The following BRWD3 variants were observed in gnomAD, a reference collection of about 807,000 sequenced individuals.
The protein encoded by BRWD3 is bromodomain and WD repeat domain containing 3.
A neutral mutation model predicts 149.7 loss-of-function variants in BRWD3; 10 were observed. The ratio of observed to expected loss-of-function variants is 0.07; its 90% confidence interval spans 0.04 to 0.11. BRWD3 has a LOEUF of 0.11. Among genes scored for constraint, BRWD3 ranks in the 10% least tolerant of loss-of-function variants. The probability of loss-of-function intolerance (pLI) is 1.00; values close to 1 mark genes in which losing one functional copy is unlikely to be tolerated. For synonymous variants in BRWD3, 504 were observed against 456.7 expected (o/e 1.10, Z -1.32); for missense variants, 940 against 1,373.2 (o/e 0.68, Z 4.99).
intron 6 of BRWD3, among the ~76,000 whole-genome samples, chrX:80,788,766 A>G (rs950941636): frequency 8.9e-6 from 1 of 112,174 alleles, no homozygotes; most frequent in Non-Finnish European, 1.9e-5. Context: ...TTGGTAATAA[A>G]AAGAAATGAA....
chrX:80,695,272 T>A (rs1362221587), intron 27 of BRWD3, among the ~76,000 whole-genome samples: 1 of 111,887 alleles, frequency 8.9e-6, no homozygotes, highest in African/African-American at 3.2e-5. Context: ...CTTTATAAAT[T>A]ACCCAGTCTC....
intron 7 of BRWD3, 115 bp downstream of exon 7, chrX:80,745,454 C>T: frequency 1.6e-6 from 1 of 620,033 alleles, no homozygotes; most frequent in Non-Finnish European, 2.4e-6. Context: ...TCTTTTTCTG[C>T]ACCCATATAT....
At chrX:80,771,381 T>C (rs1008470928) in intron 6 of BRWD3, among the ~76,000 whole-genome samples, 2 of 111,559 alleles carry the variant, frequency 1.8e-5, no homozygotes, top group African/African-American at 6.5e-5. Context: ...CAGAACAGCA[T>C]AGTACTGGTA....
At position 80,670,907 on chromosome X, in the gene BRWD3, A is replaced by G. The variant is rs2072318257; in HGVS notation, c.*5702T>C. The G allele has an allele frequency of 9.0e-6, 1 of 111,280 alleles. No homozygotes were observed. Among genetic ancestry groups the G allele is most frequent in the African/African-American group, 3.3e-5 (1 of 30,593 alleles). 9.2% of individuals were successfully genotyped at this position (111,280 alleles called of 1,213,427 possible). A position where few individuals can be genotyped will look rare whatever the true frequency, so the allele number is the denominator to read the frequency against. On this transcript the variant is annotated 3_prime_UTR_variant, in exon 41 of 41. Transcript: ENST00000373275. ...TAAATACACAAAATACACAGTATAT[A>G]TATATCAAAGATACAGTCCAGTCTT...
At position 80,671,254 on chromosome X, in the gene BRWD3, C is replaced by T. The variant is rs2072320968; in HGVS notation, c.*5355G>A. The T allele has an allele frequency of 8.9e-6, 1 of 111,908 alleles. No individual in the cohort carries two copies. Among genetic ancestry groups the T allele is most frequent in the African/African-American group, 3.2e-5 (1 of 30,813 alleles). The allele number at this position is 111,908 out of a possible 1,213,427, so 9.2% of individuals were successfully genotyped here. ...GGCTGTTATTGAATGCACCAAGCAG[C>T]CCACATTTAAAGTGTAAACATCATA... On this transcript the variant is annotated 3_prime_UTR_variant, in exon 41 of 41. Coordinates refer to ENST00000373275, the MANE Select transcript of BRWD3 (RefSeq NM_153252.5).
chrX:80,682,777 A>T (rs932538306), intron 37 of BRWD3, 149 bp from the exon 38 acceptor site: 1 of 531,692 alleles, frequency 1.9e-6, no homozygotes, highest in African/African-American at 2.4e-5. Flanking sequence ...GTAAGATACC[A>T]TTTTCACCTA....
rs759396994 is a variant in BRWD3 at position 80,692,941 on chromosome X, G to C, written c.3262C>G (p.His1088Asp). ...ATAAAAGATCATAAACATACTTACT[G>C]AACACTGTAACACTGGAAAGAACTA... Reference protein sequence around the residue: ...PDSSFQCYSVHWDNNEREKMS... With the variant: ...PDSSFQCYSVDWDNNEREKMS... The change falls in exon 28 of 41, where the codon CAC becomes GAC. Residue 1088 changes from histidine to aspartate, a missense_variant and splice_region_variant. Transcript: ENST00000373275. 2 of 1,197,971 alleles carry C rather than the reference G, an allele frequency of 1.7e-6. No individual in the cohort carries two copies. Among genetic ancestry groups the C allele is most frequent in the Non-Finnish European group, 1.1e-6 (1 of 882,947 alleles).
At chrX:80,696,594 G>T in intron 26 of BRWD3, 145 bp downstream of exon 26, 2 of 579,579 alleles carry the variant, frequency 3.5e-6, no homozygotes, top group East Asian at 7.9e-5. Context: ...AATAAACTAG[G>T]AATTAAACTC....
chrX:80,725,114 G>C (rs776074744), intron 14 of BRWD3, 47 bp from the exon 15 acceptor site: 85 of 1,165,645 alleles, frequency 7.3e-5, no homozygotes, highest in East Asian at 3.0e-5. Context: ...CGAAATGTTT[G>C]GTTCATTTGG....
At chrX:80,799,035 C>G (rs2074267734) in intron 4 of BRWD3, among the ~76,000 whole-genome samples, 2 of 111,882 alleles carry the variant, frequency 1.8e-5, no homozygotes. Flanking sequence ...TGATAGCAAT[C>G]ATTAACACAA....
chrX:80,684,276 A>G, intron 36 of BRWD3, 114 bp from the exon 37 acceptor site: 1 of 666,484 alleles, frequency 1.5e-6, no homozygotes, highest in Non-Finnish European at 2.3e-6. Context: ...TTGCTTTTCA[A>G]TGTGCCAACT....
intron 23 of BRWD3, among the ~76,000 whole-genome samples, chrX:80,704,193 G>A (rs1219652369): frequency 2.7e-5 from 3 of 110,077 alleles, no homozygotes; most frequent in African/African-American, 9.9e-5. Flanking sequence ...TCATGCCTGT[G>A]AATAGCCACT....
rs1051151225 is a variant in BRWD3, at chrX:80,704,709, C to T, written c.2690G>A (p.Arg897Lys). ...TCTAGTCTGCTTAGGTTTCTTCTGC[C>T]TTTCTTCTAGGGACTTCAAATTTTC... ...DEENLKSLEE[R>K]QKKPKQTRKK... is the part of the protein sequence containing the mutation. The change falls in exon 23 of 41, where the codon AGG becomes AAG. Residue 897 changes from arginine to lysine, a missense_variant. Arg to Lys is a conservative substitution (Grantham distance 26, BLOSUM62 2). This residue lies in a region of BRWD3 where 158 missense variants were observed against 284.0 expected (regional missense o/e 0.56). Coordinates refer to ENST00000373275, the MANE Select transcript of BRWD3 (RefSeq NM_153252.5). 1 of 1,209,650 alleles carries T rather than the reference C, an allele frequency of 8.3e-7. No individual in the cohort carries two copies. Among genetic ancestry groups the T allele is most frequent in the African/African-American group, 1.7e-5 (1 of 57,235 alleles).
At chrX:80,681,290 C>T in intron 40 of BRWD3, 51 bp downstream of exon 40, 1 of 1,140,382 alleles carries the variant, frequency 8.8e-7, no homozygotes. Flanking sequence ...GATTTATCTG[C>T]TATCATAAAG....
intron 6 of BRWD3, among the ~76,000 whole-genome samples, chrX:80,763,889 G>A (rs948461787): frequency 2.4e-4 from 27 of 111,672 alleles, no homozygotes; most frequent in African/African-American, 8.8e-4. Flanking sequence ...AAAATTCACA[G>A]GGAAAGACCC....
chrX:80,689,343 GTAA>G (rs2072580434), intron 33 of BRWD3, among the ~76,000 whole-genome samples: 1 of 111,432 alleles, frequency 9.0e-6, no homozygotes, highest in African/African-American at 3.3e-5. Context: ...AGGAAATCGA[GTAA>G]TAATTTCATG....
intron 36 of BRWD3, among the ~76,000 whole-genome samples, chrX:80,684,924 C>G (rs1246626032): frequency 2.7e-5 from 3 of 110,776 alleles, no homozygotes; most frequent in African/African-American, 9.8e-5. Flanking sequence ...CCACATTTCC[C>G]TCCTAGGAAA....
Position 80,809,757 on chromosome X carries a change from AAAAGAGAGAGAGAG to A in BRWD3, c.-300_-287del, listed in dbSNP as rs1471172104. ...AGAGAAGAGAGAGAGAGAGAGAGGA[AAAAGAGAGAGAGAG>A]AGAGAGAGAGAGAGAGAGAGAGAGA... On this transcript the variant is annotated 5_prime_UTR_variant, in exon 1 of 41. Coordinates refer to ENST00000373275, the MANE Select transcript of BRWD3 (RefSeq NM_153252.5). 54 of 81,394 alleles carry A rather than the reference AAAAGAGAGAGAGAG, an allele frequency of 6.6e-4. No individual in the cohort carries two copies. In the African/African-American group the frequency reaches 7.2e-3, roughly 11 times the overall value. 6.7% of individuals were successfully genotyped at this position (81,394 alleles called of 1,213,427 possible). A position where few individuals can be genotyped will look rare whatever the true frequency, so the allele number is the denominator to read the frequency against.
intron 5 of BRWD3, 71 bp from the exon 6 acceptor site, chrX:80,792,023 G>A (rs2074187537): frequency 3.2e-6 from 2 of 634,456 alleles, no homozygotes; most frequent in Admixed American, 3.4e-5. Context: ...AGAAGCAAAT[G>A]TCTGATTTTA....
Sources: gnomAD v4.1 joint callset for allele counts (sites outside exome capture counted in the v4.1 genomes callset) on GRCh38, gnomAD v4.1.1 for gene constraint, gnomAD v4.1.1 regional missense constraint, MANE v1.5 for transcripts, NCBI Gene and HGNC (gene_info 2026-07-23, HGNC 2026-07-21) for gene names.